SIK3: variants seen among roughly 807,000 people sequenced by gnomAD.
SIK3 encodes SIK family kinase 3.
In SIK3, 28 loss-of-function variants were observed where a neutral mutation model predicts 144.2. That is an observed-to-expected ratio of 0.19 (90% CI 0.14 to 0.27). The LOEUF (loss-of-function observed/expected upper bound fraction) is 0.27. Ranked by LOEUF, SIK3 falls within the 10% of genes least tolerant of loss-of-function variation. The pLI, the probability that SIK3 is intolerant of heterozygous loss-of-function variation, is 1.00. For missense variants in SIK3, 1,319 were observed against 1,776.0 expected (o/e 0.74, Z 4.62); for synonymous variants, 686 against 676.3 (o/e 1.01, Z -0.22).
At chr11:117,033,355 C>T (rs1057436892) in intron 1 of SIK3, among the ~76,000 whole-genome samples, 1 of 152,104 alleles carries the variant, frequency 6.6e-6, no homozygotes, top group African/African-American at 2.4e-5. Context: ...TCTTCAATAA[C>T]TTACATGTTT....
chr11:116,884,903 T>C (rs1944735752), intron 6 of SIK3, among the ~76,000 whole-genome samples: 1 of 152,232 alleles, frequency 6.6e-6, no homozygotes, highest in Admixed American at 6.5e-5. Flanking sequence ...TTAGCTTCTC[T>C]TGACACAATG....
chr11:116,875,260 C>T lies in SIK3; in HGVS notation c.1325G>A (p.Gly442Glu), dbSNP rs767871041. ...CTCATCACTGTCCAAATTCAGTGTC[C>T]CATCCGGCTGAGGTGGAGGGAAACA... ...NPENQIVEPD[G>E]TLNLDSDEGE... Residue 442 changes from glycine (G) to glutamate (E), a missense_variant, in exon 11 of 25, where the codon GGG becomes GAG. Gly to Glu is a moderately conservative substitution (Grantham distance 98, BLOSUM62 -2). Coordinates refer to ENST00000445177, the MANE Select transcript of SIK3 (RefSeq NM_001366686.3). 8 of 1,614,050 alleles carry T rather than the reference C, an allele frequency of 5.0e-6. No individual in the cohort carries two copies. In the East Asian group the frequency reaches 1.8e-4, roughly 36 times the overall value.
intron 1 of SIK3, among the ~76,000 whole-genome samples, chr11:116,974,688 C>T (rs1013241178): frequency 1.3e-5 from 2 of 152,132 alleles, no homozygotes; most frequent in Non-Finnish European, 2.9e-5. Flanking sequence ...AGCCACCGTA[C>T]CTGGCCTTGA....
Position 116,863,698 on chromosome 11 carries a change from G to A in SIK3, c.2073C>T (p.Gly691=), listed in dbSNP as rs1385052736. ...QAFKAHLEKM[G]NNSSIKQLQQ... is the part of the protein sequence containing the mutation. ...GCAGCTGTTTGATGCTGCTGTTGTTGCCCATTTTTTCCAGGTGAGCTTTGA... is the reference window on the plus strand; with the variant it reads ...GCAGCTGTTTGATGCTGCTGTTGTTACCCATTTTTTCCAGGTGAGCTTTGA... The change falls in exon 16 of 25, where the codon GGC becomes GGT. Residue 691 remains glycine (G), a synonymous_variant. Transcript: ENST00000445177. The A allele has an allele frequency of 6.2e-7, 1 of 1,614,132 alleles. No homozygotes were observed.
rs894770811 is a variant in SIK3 at position 117,081,016 on chromosome 11, T to A, written c.273+17127A>T. Among the ~76,000 whole-genome samples the A allele has an allele frequency of 2.0e-5, 3 of 152,124 alleles. No homozygotes were observed. The East Asian group carries it at 5.8e-4, about 29-fold the overall frequency. On this transcript the variant is annotated intron_variant, in intron 1 of 24. Coordinates refer to ENST00000445177, the MANE Select transcript of SIK3 (RefSeq NM_001366686.3). ...AGGCTACTATGTAAAGTATAGTATA[T>A]CCATAAAATAGAATACTCTGCAGCC... is the stretch of plus-strand genomic sequence containing the variant.
In SIK3 at chr11:116,870,359, C is replaced by T. The variant is rs1229654347; in HGVS notation, c.1780G>A (p.Gly594Arg). 7 of 1,612,730 alleles carry T rather than the reference C, an allele frequency of 4.3e-6. No individual in the cohort carries two copies. The highest frequency in any genetic ancestry group is 2.7e-5 in the African/African-American group (2 of 74,900). ...VTPVDEESSD[G>R]EPDQEAVQRY... The stretch of plus-strand genomic sequence containing the variant: ...TGCACAGCTTCCTGGTCTGGCTCCC[C>T]GTCTGAGCTCTCCTCGTCCACAGGG... Residue 594 changes from glycine (G) to arginine (R), a missense_variant, in exon 14 of 25, where the codon GGG becomes AGG. Around this residue, in one of 8 missense-constraint regions of SIK3, gnomAD observed 167 missense variants for 263.3 expected, o/e 0.63. Transcript: ENST00000445177.
chr11:116,920,817 G>A (rs1294969805), intron 4 of SIK3, among the ~76,000 whole-genome samples: 1 of 152,204 alleles, frequency 6.6e-6, no homozygotes, highest in Non-Finnish European at 1.5e-5. Context: ...CAATAAACAG[G>A]ACATGGTTAC....
chr11:117,055,469 G>A (rs1158118046), intron 1 of SIK3, among the ~76,000 whole-genome samples: 1 of 152,262 alleles, frequency 6.6e-6, no homozygotes, highest in African/African-American at 2.4e-5. Context: ...GTGTCTCTTA[G>A]GGAGAAAATA....
At chr11:116,894,276 A>G (rs980894230) in intron 6 of SIK3, among the ~76,000 whole-genome samples, 2 of 152,192 alleles carry the variant, frequency 1.3e-5, no homozygotes, top group Non-Finnish European at 1.5e-5. Context: ...ACCACTGCCT[A>G]AAAAGTGAGC....
chr11:116,897,441 T>A, intron 4 of SIK3, 124 bp from the exon 5 acceptor site: 1 of 834,118 alleles, frequency 1.2e-6, no homozygotes, highest in South Asian at 1.8e-5. Context: ...AAAGAGAACA[T>A]TTAGAAACCA....
chr11:116,895,448 G>A (rs1945348730), intron 6 of SIK3, among the ~76,000 whole-genome samples: 1 of 152,136 alleles, frequency 6.6e-6, no homozygotes, highest in African/African-American at 2.4e-5. Context: ...CAGTTCAAAG[G>A]AGCCAAGTTA....
chr11:117,025,056 C>T lies in SIK3; in HGVS notation c.274-67992G>A, dbSNP rs557296546. Among the ~76,000 whole-genome samples, 122 of 152,286 alleles carry T rather than the reference C, an allele frequency of 8.0e-4. 1 individual carries two copies. Among genetic ancestry groups the T allele is most frequent in the African/African-American group, 2.9e-3 (120 of 41,570 alleles). On this transcript the variant is annotated intron_variant, in intron 1 of 24. Transcript: ENST00000445177. ...TCCAGTCATACTAAAGGGACACAAA[C>T]TCATCCATCGGTAATAACATGCAGT...
chr11:116,886,263 G>A (rs888283069), intron 6 of SIK3, among the ~76,000 whole-genome samples: 4 of 152,180 alleles, frequency 2.6e-5, no homozygotes, highest in African/African-American at 9.6e-5. Context: ...CTCTCTGGCG[G>A]TGCAGTGTGT....
At chr11:116,905,552 A>G (rs1229379555) in intron 4 of SIK3, among the ~76,000 whole-genome samples, 2 of 152,236 alleles carry the variant, frequency 1.3e-5, no homozygotes, top group Non-Finnish European at 2.9e-5. Flanking sequence ...TGGCCGTACC[A>G]TTATACATCC....
intron 3 of SIK3, among the ~76,000 whole-genome samples, chr11:116,927,689 T>G (rs549928798): frequency 1.9e-3 from 282 of 152,320 alleles, no homozygotes; most frequent in African/African-American, 6.4e-3. Flanking sequence ...TCTTTTCATA[T>G]CCTCACTGCA....
At chr11:117,018,403 A>T (rs1336318834) in intron 1 of SIK3, among the ~76,000 whole-genome samples, 1 of 152,228 alleles carries the variant, frequency 6.6e-6, no homozygotes, top group Admixed American at 6.5e-5. Flanking sequence ...CTACAACAGC[A>T]TTCACTAATT....
At chr11:116,870,002 G>A (rs558376747) in intron 14 of SIK3, 1 of 799,328 alleles carries the variant, frequency 1.3e-6, no homozygotes, top group African/African-American at 1.8e-5. Flanking sequence ...ACAGTTCTTG[G>A]CAGGTACGAG....
chr11:117,034,846 A>G (rs1952424033), intron 1 of SIK3, among the ~76,000 whole-genome samples: 1 of 152,214 alleles, frequency 6.6e-6, no homozygotes, highest in Non-Finnish European at 1.5e-5. Context: ...AGATCCAAAA[A>G]AACCAAACTT....
At chr11:116,977,013 G>C (rs143131536) in intron 1 of SIK3, among the ~76,000 whole-genome samples, 94 of 152,180 alleles carry the variant, frequency 6.2e-4, no homozygotes, top group African/African-American at 1.9e-3. Context: ...AAAAAGGGCT[G>C]AGGTGTTTAC....
Sources: allele counts gnomAD v4.1 joint callset (sites outside exome capture counted in the v4.1 genomes callset), GRCh38; gene constraint gnomAD v4.1.1; regional missense constraint gnomAD v4.1.1; transcripts MANE v1.5; gene names NCBI Gene and HGNC (gene_info 2026-07-23, HGNC 2026-07-21).